The following LIN52 variants were observed in gnomAD, a reference collection of about 807,000 sequenced individuals.
The protein encoded by LIN52 is protein lin-52 homolog.
Under a neutral mutation model 18.5 loss-of-function variants are expected in LIN52, and 4 were observed. The ratio of observed to expected loss-of-function variants is 0.22; its 90% CI spans 0.11 to 0.49. The LOEUF is 0.49. Among genes scored for constraint, LIN52 ranks in the 20% least tolerant of loss-of-function variants. The probability of loss-of-function intolerance (pLI) is 0.97; values close to 1 mark genes in which losing one functional copy is unlikely to be tolerated. For missense variants in LIN52, 102 were observed against 139.5 expected (o/e 0.73, Z 1.35); for synonymous variants, 34 against 45.5 (o/e 0.75, Z 1.02).
At chr14:74,098,876 T>G (rs1270783416) in intron 4 of LIN52, among the ~76,000 whole-genome samples, 2 of 152,212 alleles carry the variant, frequency 1.3e-5, no homozygotes, top group Non-Finnish European at 2.9e-5. Flanking sequence ...GTCTAGCCTC[T>G]TTCCATTATA....
chr14:74,095,043 G>A (rs1362057281), intron 2 of LIN52, among the ~76,000 whole-genome samples: 9 of 151,272 alleles, frequency 5.9e-5, no homozygotes, highest in Non-Finnish European at 1.2e-4. Flanking sequence ...GCAATGTCAC[G>A]ATGATAGCTT....
chr14:74,146,256 C>T (rs2061152086), intron 5 of LIN52, among the ~76,000 whole-genome samples: 1 of 152,214 alleles, frequency 6.6e-6, no homozygotes. Flanking sequence ...AACGTTCCCA[C>T]ACACGGCTGG....
intron 5 of LIN52, among the ~76,000 whole-genome samples, chr14:74,157,455 A>ATTT (rs386364186): frequency 2.3e-4 from 16 of 69,368 alleles, no homozygotes; most frequent in Admixed American, 1.3e-3. Flanking sequence ...ATATATATAT[A>ATTT]TATATTTTTT....
At chr14:74,171,357 C>G (rs1185275592) in intron 5 of LIN52, among the ~76,000 whole-genome samples, 1 of 149,604 alleles carries the variant, frequency 6.7e-6, no homozygotes, top group African/African-American at 2.5e-5. Flanking sequence ...AGAGTGAGAG[C>G]CTGTCTAAAA....
At chr14:74,179,618 T>C (rs1194856197) in intron 5 of LIN52, among the ~76,000 whole-genome samples, 5 of 143,700 alleles carry the variant, frequency 3.5e-5, no homozygotes, top group Admixed American at 1.5e-4. Flanking sequence ...ATCAGGCCAC[T>C]GCACTCCAGC....
At chr14:74,115,477 T>G (rs1049396689) in intron 5 of LIN52, among the ~76,000 whole-genome samples, 3 of 92,042 alleles carry the variant, frequency 3.3e-5, no homozygotes, top group African/African-American at 1.5e-4. Context: ...CCCCAAAGAC[T>G]GTGTTGAAAT....
At chr14:74,121,919 C>T (rs1017271981) in intron 5 of LIN52, among the ~76,000 whole-genome samples, 77 of 151,952 alleles carry the variant, frequency 5.1e-4, no homozygotes, top group Non-Finnish European at 4.3e-4. Context: ...GACGGGGTTT[C>T]ACCATGTTGG....
intron 5 of LIN52, among the ~76,000 whole-genome samples, chr14:74,148,329 A>G (rs1368427000): frequency 1.3e-5 from 2 of 152,162 alleles, no homozygotes; most frequent in Non-Finnish European, 2.9e-5. Flanking sequence ...TAATAAGTAA[A>G]TATTTATTAT....
At chr14:74,113,921 C>A in intron 5 of LIN52, 1 of 153,138 alleles carries the variant, frequency 6.5e-6, no homozygotes, top group Non-Finnish European at 1.5e-5. Context: ...TGTATACTTG[C>A]ATCCATTCAT....
At chr14:74,175,236 A>C (rs1266673429) in intron 5 of LIN52, among the ~76,000 whole-genome samples, 11 of 151,478 alleles carry the variant, frequency 7.3e-5, no homozygotes, top group Admixed American at 7.2e-4. Context: ...AATTAACCTT[A>C]GCTTACTGTA....
intron 5 of LIN52, among the ~76,000 whole-genome samples, chr14:74,137,496 C>CTTTTTTTTTTTTTTT (rs1409995305): frequency 4.7e-5 from 4 of 85,516 alleles, no homozygotes; most frequent in African/African-American, 2.1e-4. Flanking sequence ...CACAGCAGCT[C>CTTTTTTTTTTTTTTT]TCTTTTTTTT....
intron 5 of LIN52, among the ~76,000 whole-genome samples, chr14:74,108,371 G>A (rs140921022): frequency 1.3e-4 from 20 of 152,236 alleles, no homozygotes; most frequent in Admixed American, 1.2e-3. Context: ...GGGTAAACAT[G>A]TTTTCATTTT....
chr14:74,131,539 C>G (rs1433014738), intron 5 of LIN52, among the ~76,000 whole-genome samples: 2 of 152,044 alleles, frequency 1.3e-5, no homozygotes, highest in African/African-American at 2.4e-5. Flanking sequence ...AGGCTGGTCT[C>G]GAACTCCTGA....
intron 5 of LIN52, among the ~76,000 whole-genome samples, chr14:74,167,433 CG>C (rs1369132161): frequency 2.6e-5 from 4 of 151,894 alleles, no homozygotes; most frequent in Non-Finnish European, 4.4e-5. Context: ...ATTCAGGGGA[CG>C]GGTGTTTATT....
intron 5 of LIN52, among the ~76,000 whole-genome samples, chr14:74,113,511 T>C (rs1373162528): frequency 6.6e-6 from 1 of 152,148 alleles, no homozygotes; most frequent in African/African-American, 2.4e-5. Flanking sequence ...ACAGCTCTGC[T>C]CAAGGAACGG....
At chr14:74,179,069 AC>A (rs2061305493) in intron 5 of LIN52, among the ~76,000 whole-genome samples, 1 of 152,022 alleles carries the variant, frequency 6.6e-6, no homozygotes, top group Non-Finnish European at 1.5e-5. Context: ...ACAGAATGAG[AC>A]CCTGTCTCAA....
intron 5 of LIN52, chr14:74,114,512 G>A: frequency 2.6e-6 from 2 of 779,400 alleles, no homozygotes; most frequent in Non-Finnish European, 3.1e-6. Flanking sequence ...GGATGTTACG[G>A]GATAAGCTGA....
At chr14:74,197,589 A>T (rs2078922154) in intron 5 of LIN52, among the ~76,000 whole-genome samples, 1 of 152,200 alleles carries the variant, frequency 6.6e-6, no homozygotes. Context: ...CCATGAAGGA[A>T]GGAATGGTCT....
Position 74,094,604 on chromosome 14 carries a change from A to G in LIN52, c.95-1344A>G, listed in dbSNP as rs1595146104. ...ACAGACAGTTTATCAGTGAATACCC[A>G]TGTACACATATCTTCATATACATGG... On this transcript the variant is annotated intron_variant, in intron 2 of 5. Transcript: ENST00000555028. Among the ~76,000 whole-genome samples, 4 of 152,192 alleles carry G rather than the reference A, an allele frequency of 2.6e-5. 1 individual carries two copies. In the South Asian group the frequency reaches 8.3e-4, roughly 31 times the overall value.
Sources: gnomAD v4.1 joint callset for allele counts (sites outside exome capture counted in the v4.1 genomes callset) on GRCh38, gnomAD v4.1.1 for gene constraint, MANE v1.5 for transcripts, NCBI Gene and HGNC (gene_info 2026-07-23, HGNC 2026-07-21) for gene names.